The following DNM1 variants were observed in gnomAD, a reference collection of about 807,000 sequenced individuals.
DNM1 encodes dynamin-1.
A neutral mutation model predicts 104.6 loss-of-function variants in DNM1; 29 were observed. The ratio of observed to expected loss-of-function variants is 0.28; its 90% CI spans 0.21 to 0.38. The LOEUF (loss-of-function observed/expected upper bound fraction) is 0.38, where lower values mean the gene tolerates loss of function less well. Ranked by LOEUF, DNM1 falls within the 10% of genes least tolerant of loss-of-function variation. The pLI, the probability that DNM1 is intolerant of heterozygous loss-of-function variation, is 1.00. For missense variants in DNM1, 640 were observed against 1,189.4 expected (o/e 0.54, Z 6.79); for synonymous variants, 445 against 475.8 (o/e 0.94, Z 0.84).
chr9:128,228,844 A>G (rs1835493101), intron 10 of DNM1, among the ~76,000 whole-genome samples: 1 of 152,048 alleles, frequency 6.6e-6, no homozygotes, highest in South Asian at 2.1e-4. Flanking sequence ...TTAGACGGGC[A>G]TGGTGGCACG....
At chr9:128,250,050 G>A in intron 19 of DNM1, 65 bp from the exon 20 acceptor site, 4 of 1,611,808 alleles carry the variant, frequency 2.5e-6, no homozygotes, top group Admixed American at 1.7e-5. Context: ...AGCAGGGCCC[G>A]GTGGGGCGGC....
chr9:128,237,997 A>G (rs1015162213), intron 11 of DNM1, among the ~76,000 whole-genome samples: 9 of 152,036 alleles, frequency 5.9e-5, no homozygotes, highest in Admixed American at 3.3e-4. Context: ...TTGGTTTTGA[A>G]TTCCTAGGTT....
At position 128,246,517 on chromosome 9, in the gene DNM1, C is replaced by A; in HGVS notation, c.1781+14C>A. ...CACGGAGCAGAGGTGCCTGCCTGCC[C>A]CTGGCTGTGGCTGCTGCAGCCCCAA... is the stretch of plus-strand genomic sequence containing the variant. On this transcript the variant is annotated intron_variant, in intron 16 of 21. Transcript: ENST00000372923. 6.2e-7 allele frequency: 1 copy of A among 1,605,524 alleles called. No homozygotes were observed. Among genetic ancestry groups the A allele is most frequent in the Non-Finnish European group, 8.5e-7 (1 of 1,172,406 alleles).
rs1384133790 is a variant in DNM1 at position 128,243,698 on chromosome 9, G to A, written c.1671+1353G>A. On this transcript the variant is annotated intron_variant, in intron 15 of 21. Coordinates refer to ENST00000372923, the MANE Select transcript of DNM1 (RefSeq NM_004408.4). This position sits in a 1 kb window ranked among gnomAD's most constrained non-coding sequence, Gnocchi z 4.0. ...ATGGGTTTGGGGTCTCCCATGTTGA[G>A]GTTCCTTACTCAGGGCCAGGGAGAC... Among the ~76,000 whole-genome samples, 1 of 152,192 alleles carries A rather than the reference G, an allele frequency of 6.6e-6. No individual in the cohort carries two copies. Among genetic ancestry groups the A allele is most frequent in the Non-Finnish European group, 1.5e-5 (1 of 68,016 alleles).
rs181308722 is a variant in DNM1 at position 128,218,935 on chromosome 9, C to A, written c.386-114C>A. 7.4e-7 allele frequency: 1 copy of A among 1,343,080 alleles called. No individual in the cohort carries two copies. The highest frequency in any genetic ancestry group is 1.4e-5 in the African/African-American group (1 of 69,562). The allele number at this position is 1,343,080 out of a possible 1,614,324, so 83.2% of individuals were successfully genotyped here. On this transcript the variant is annotated intron_variant, in intron 3 of 21. Coordinates refer to ENST00000372923, the MANE Select transcript of DNM1 (RefSeq NM_004408.4). This position sits in a 1 kb window ranked among gnomAD's most constrained non-coding sequence, Gnocchi z 4.8. ...CACTTTCGCCCTGAGATTTCCTAGT[C>A]CCACCCACCTGCCACCCTGCTCCCA...
chr9:128,253,018 G>A lies in DNM1; in HGVS notation c.2535-1636G>A, dbSNP rs1285073948. 23 of 1,361,850 alleles carry A rather than the reference G, an allele frequency of 1.7e-5. No homozygotes were observed. Among genetic ancestry groups the A allele is most frequent in the Admixed American group, 1.2e-4 (7 of 59,392 alleles). 84.4% of individuals were successfully genotyped at this position (1,361,850 alleles called of 1,614,324 possible). A position where few individuals can be genotyped will look rare whatever the true frequency, so the allele number is the denominator to read the frequency against. On this transcript the variant is annotated intron_variant, in intron 21 of 21. Coordinates refer to ENST00000372923, the MANE Select transcript of DNM1 (RefSeq NM_004408.4). The surrounding 1 kb of genome is among the most constrained non-coding windows in gnomAD (Gnocchi z 5.9). ...ACAGCATGTGTGTGCACGCCCGGGC[G>A]TGTGCGTGTGTGTGTCCCCCACCCC...
In DNM1 at chr9:128,250,740, C is replaced by A; in HGVS notation, c.2334C>A (p.Ser778Arg). 6.9e-7 allele frequency: 1 copy of A among 1,456,288 alleles called. No individual in the cohort carries two copies. Among genetic ancestry groups the A allele is most frequent in the Non-Finnish European group, 9.0e-7 (1 of 1,110,140 alleles). The allele number at this position is 1,456,288 out of a possible 1,614,324, so 90.2% of individuals were successfully genotyped here. ...TCGCCCTCAGGTCGCCCACGTCCAG[C>A]CCCACGCCGCAGCGCCGAGCCCCCG... ...VPAGRRSPTS[S>R]PTPQRRAPAV... The change falls in exon 21 of 22, where the codon AGC becomes AGA. Residue 778 changes from serine (S) to arginine (R), a missense_variant. Around this residue, in one of 7 missense-constraint regions of DNM1, gnomAD observed 129 missense variants for 224.6 expected, o/e 0.57. Transcript: ENST00000372923.
In DNM1 at chr9:128,247,442, A is replaced by T; in HGVS notation, c.1849A>T (p.Lys617Ter). The change falls in exon 17 of 22, where the codon AAG becomes TAG. Residue 617 changes from lysine to a stop codon, truncating the protein, a stop_gained. Coordinates refer to ENST00000372923, the MANE Select transcript of DNM1 (RefSeq NM_004408.4). LOFTEE classifies it high-confidence loss of function. The surrounding 1 kb of genome is among the most constrained non-coding windows in gnomAD (Gnocchi z 5.1). ...CETQEEVDSW[K>*]ASFLRAGVYP... ...GACACAGGAGGAGGTGGACAGCTGG[A>T]AGGCCTCCTTCCTGAGGGCTGGCGT... The T allele has an allele frequency of 6.2e-7, 1 of 1,613,684 alleles. No individual in the cohort carries two copies. Among genetic ancestry groups the T allele is most frequent in the Non-Finnish European group, 8.5e-7 (1 of 1,179,718 alleles).
intron 4 of DNM1, 91 bp downstream of exon 4, chr9:128,219,343 A>G (rs1834802053): frequency 8.6e-7 from 1 of 1,157,416 alleles, no homozygotes; most frequent in African/African-American, 1.5e-5. Flanking sequence ...ACGGTCTAAG[A>G]ATAGCGGTGG....
chr9:128,246,453 G>A lies in DNM1; in HGVS notation c.1731G>A (p.Lys577=). 1 of 1,614,104 alleles carries A rather than the reference G, an allele frequency of 6.2e-7. No homozygotes were observed. The highest frequency in any genetic ancestry group is 8.5e-7 in the Non-Finnish European group (1 of 1,179,990). The change falls in exon 16 of 22, where the codon AAG becomes AAA. Residue 577 remains lysine, a synonymous_variant. Coordinates refer to ENST00000372923, the MANE Select transcript of DNM1 (RefSeq NM_004408.4). ...ACCTCAAGCTGCGGGACGTGGAGAA[G>A]GGCTTTATGTCGAGCAAGCATATCT... The part of the protein sequence containing the change: ...VDNLKLRDVE[K]GFMSSKHIFA...
At chr9:128,246,678 C>T (rs1836835782) in intron 16 of DNM1, among the ~76,000 whole-genome samples, 175 bp downstream of exon 16, 1 of 151,390 alleles carries the variant, frequency 6.6e-6, no homozygotes, top group South Asian at 2.1e-4. Flanking sequence ...GTCAAGATCT[C>T]CCATCCCCTC....
intron 21 of DNM1, chr9:128,252,657 T>C: frequency 4.5e-6 from 2 of 441,256 alleles, no homozygotes; most frequent in East Asian, 6.8e-5. Context: ...CTGTGGGCAG[T>C]AGGGAACCAC....
intron 19 of DNM1, 58 bp from the exon 20 acceptor site, chr9:128,250,057 C>T (rs753393132): frequency 2.5e-6 from 4 of 1,612,082 alleles, no homozygotes; most frequent in Non-Finnish European, 3.4e-6. Flanking sequence ...CCCGGTGGGG[C>T]GGCCAGGGCG....
rs1217670708 is a variant in DNM1, at chr9:128,247,371, G to A, written c.1782-4G>A. ...CTGCCCTCACTGCCTGCCCTATCTT[G>A]CAGGAATGTCTACAAGGATTATCGG... On this transcript the variant is annotated splice_polypyrimidine_tract_variant and splice_region_variant and intron_variant, in intron 16 of 21. Transcript: ENST00000372923. This position sits in a 1 kb window ranked among gnomAD's most constrained non-coding sequence, Gnocchi z 5.1. The A allele has an allele frequency of 6.2e-7, 1 of 1,604,804 alleles. No individual in the cohort carries two copies. The highest frequency in any genetic ancestry group is 1.7e-5 in the Admixed American group (1 of 59,738).
At position 128,248,134 on chromosome 9, in the gene DNM1, C is replaced by T. The variant is rs1836940920; in HGVS notation, c.1905+199C>T. ...ACAAGGTCAGGAGTTCGAGACCAGC[C>T]TGGCCAACACGGTGAAACCCCACCT... On this transcript the variant is annotated intron_variant, in intron 18 of 21. Transcript: ENST00000372923. The surrounding 1 kb of genome is among the most constrained non-coding windows in gnomAD (Gnocchi z 5.6). The T allele has an allele frequency of 1.5e-6, 1 of 668,340 alleles. No homozygotes were observed. The highest frequency in any genetic ancestry group is 2.8e-5 in the East Asian group (1 of 35,866). 41.4% of individuals were successfully genotyped at this position (668,340 alleles called of 1,614,324 possible).
chr9:128,216,050 T>G (rs1834585066), intron 1 of DNM1, among the ~76,000 whole-genome samples: 1 of 150,750 alleles, frequency 6.6e-6, no homozygotes, highest in Non-Finnish European at 1.5e-5. Context: ...CCTCCCTCTG[T>G]GCCGCCTGGC....
chr9:128,252,348 A>T (rs1318149833), intron 21 of DNM1: 2 of 371,372 alleles, frequency 5.4e-6, no homozygotes, highest in Non-Finnish European at 5.1e-6. Context: ...CACATGAAAC[A>T]TTTGGCAAAT....
At chr9:128,251,077 CG>C (rs1395769391) in intron 21 of DNM1, 137 bp downstream of exon 21, 1 of 684,938 alleles carries the variant, frequency 1.5e-6, no homozygotes, top group African/African-American at 1.8e-5. Flanking sequence ...CTCTGGGTGC[CG>C]GAGCCACGCC....
chr9:128,244,015 G>C (rs1464037951), intron 15 of DNM1, among the ~76,000 whole-genome samples: 1 of 151,498 alleles, frequency 6.6e-6, no homozygotes, highest in Non-Finnish European at 1.5e-5. Flanking sequence ...TGTGATTGGA[G>C]TATAAGCATC....
Sources: gnomAD v4.1 joint callset for allele counts (sites outside exome capture counted in the v4.1 genomes callset) on GRCh38, gnomAD v4.1.1 for gene constraint, gnomAD v4.1.1 regional missense constraint, Gnocchi (gnomAD v3.1) non-coding constraint, MANE v1.5 for transcripts, NCBI Gene and HGNC (gene_info 2026-07-23, HGNC 2026-07-21) for gene names.